The following PCDHA4 variants were observed in gnomAD, a reference collection of about 807,000 sequenced individuals.
PCDHA4 encodes protocadherin alpha 4.
Under a neutral mutation model 61.4 loss-of-function variants are expected in PCDHA4, and 49 were observed. The ratio of observed to expected loss-of-function variants is 0.80; its 90% CI spans 0.63 to 1.01. The LOEUF (loss-of-function observed/expected upper bound fraction) is 1.01. Among genes scored for constraint, PCDHA4 ranks in the 50% least tolerant of loss-of-function variants. The probability of loss-of-function intolerance (pLI) is 0.00; values close to 1 mark genes in which losing one functional copy is unlikely to be tolerated. For synonymous variants in PCDHA4, 590 were observed against 550.3 expected (o/e 1.07, Z -1.01); for missense variants, 1,254 against 1,235.8 (o/e 1.01, Z -0.22).
chr5:140,929,180 G>A, intron 1 of PCDHA4: 1 of 1,614,150 alleles, frequency 6.2e-7, no homozygotes, highest in Non-Finnish European at 8.5e-7. Context: ...CTGGGACTTG[G>A]TTCTGATAAT....
intron 1 of PCDHA4, among the ~76,000 whole-genome samples, chr5:140,975,074 G>C (rs2096653166): frequency 1.3e-5 from 2 of 152,152 alleles, no homozygotes; most frequent in South Asian, 4.1e-4. Flanking sequence ...CATTCAGATT[G>C]TTGGCAGAAT....
At chr5:140,831,731 C>A (rs1771681579) in intron 1 of PCDHA4, among the ~76,000 whole-genome samples, 1 of 152,004 alleles carries the variant, frequency 6.6e-6, no homozygotes, top group Admixed American at 6.6e-5. Flanking sequence ...TGTTATCCTC[C>A]CTTGCCTAAA....
At chr5:140,842,265 T>C in intron 1 of PCDHA4, 1 of 1,610,902 alleles carries the variant, frequency 6.2e-7, no homozygotes. Flanking sequence ...CAAGAAAACT[T>C]ATACAAAATC....
chr5:140,935,561 T>C (rs1184981109), intron 1 of PCDHA4, among the ~76,000 whole-genome samples: 3 of 152,218 alleles, frequency 2.0e-5, no homozygotes, highest in African/African-American at 7.2e-5. Context: ...TTGGAAAAGT[T>C]CCTCTCTGTG....
rs577022008 is a variant in PCDHA4, at chr5:140,921,827, C to T, written c.2386-57122C>T. Among the ~76,000 whole-genome samples, 6 of 151,924 alleles carry T rather than the reference C, an allele frequency of 3.9e-5. No homozygotes were observed. In the South Asian group the frequency reaches 1.2e-3, roughly 32 times the overall value. On this transcript the variant is annotated intron_variant, in intron 1 of 3. Coordinates refer to ENST00000530339, the MANE Select transcript of PCDHA4 (RefSeq NM_018907.4). Reference sequence around the variant, plus strand: ...TAAGATACATGTGTGAATATCTATACACATATAGACATATTTATAGATGTG... The same window carrying T: ...TAAGATACATGTGTGAATATCTATATACATATAGACATATTTATAGATGTG...
chr5:140,809,320 G>A lies in PCDHA4; in HGVS notation c.2133G>A (p.Leu711=), dbSNP rs1764426395. The part of the protein sequence containing the change: ...IIAICAVSSL[L]VLTLLLYTAL... ...CCATCTGCGCGGTGTCCAGCCTTTT[G>A]GTGCTCACGCTGCTGCTGTACACCG... The change falls in exon 1 of 4, where the codon TTG becomes TTA. Residue 711 remains leucine, a synonymous_variant. Transcript: ENST00000530339. 2 of 1,613,974 alleles carry A rather than the reference G, an allele frequency of 1.2e-6. No individual in the cohort carries two copies.
At chr5:140,906,063 A>T (rs572488248) in intron 1 of PCDHA4, among the ~76,000 whole-genome samples, 1 of 152,318 alleles carries the variant, frequency 6.6e-6, no homozygotes, top group South Asian at 2.1e-4. Flanking sequence ...CTGGCAGCTG[A>T]TTAGATCGCA....
intron 1 of PCDHA4, chr5:140,842,515 G>A (rs2150337754): frequency 5.6e-6 from 9 of 1,613,534 alleles, no homozygotes; most frequent in Non-Finnish European, 1.7e-6. Flanking sequence ...TCAAGCTGGT[G>A]TCCACCTTCA....
intron 1 of PCDHA4, chr5:140,882,030 T>G (rs1582587950): frequency 3.3e-6 from 2 of 612,804 alleles, no homozygotes; most frequent in East Asian, 5.9e-5. Flanking sequence ...CAATGGAAAA[T>G]ATGAAGACTG....
intron 1 of PCDHA4, chr5:140,851,464 T>A: frequency 1.1e-6 from 1 of 895,470 alleles, no homozygotes; most frequent in Non-Finnish European, 1.4e-6. Flanking sequence ...TCAAATTATG[T>A]CAATAAATGT....
intron 1 of PCDHA4, among the ~76,000 whole-genome samples, chr5:140,899,418 C>T (rs552409062): frequency 1.3e-5 from 2 of 152,254 alleles, no homozygotes; most frequent in African/African-American, 4.8e-5. Context: ...TGAATTTTGT[C>T]AAAGGTCTTT....
chr5:140,871,061 A>T, intron 1 of PCDHA4: 1 of 1,613,200 alleles, frequency 6.2e-7, no homozygotes, highest in South Asian at 1.1e-5. Flanking sequence ...GTGAAGGATC[A>T]CGGTGAGCCG....
At chr5:140,810,154 T>C (rs1764605759) in intron 1 of PCDHA4, 1 of 152,414 alleles carries the variant, frequency 6.6e-6, no homozygotes, top group South Asian at 2.1e-4. Flanking sequence ...TATGAAATTA[T>C]CCATGTTGTT....
At chr5:140,836,046 G>A (rs2150251403) in intron 1 of PCDHA4, 3 of 1,613,572 alleles carry the variant, frequency 1.9e-6, no homozygotes, top group Admixed American at 1.7e-5. Context: ...GCAGGTGTTC[G>A]TGCTGGACGA....
intron 1 of PCDHA4, chr5:140,836,813 T>A (rs984631065): frequency 8.2e-7 from 1 of 1,217,894 alleles, no homozygotes; most frequent in African/African-American, 1.5e-5. Flanking sequence ...TTTTCTTTCA[T>A]AATTTCTTTT....
In PCDHA4 at chr5:140,810,968, A is replaced by G. The variant is rs537328519; in HGVS notation, c.2385+1396A>G. ...CATTTGGAATATACATATTTTTATC[A>G]TTGTTGTGAGGTAGGGGTCAAGATT... On this transcript the variant is annotated intron_variant, in intron 1 of 3. Coordinates refer to ENST00000530339, the MANE Select transcript of PCDHA4 (RefSeq NM_018907.4). 3.9e-5 allele frequency: 6 copies of G among 152,058 alleles called. No individual in the cohort carries two copies. The South Asian group carries it at 1.3e-3, about 32-fold the overall frequency. The allele number at this position is 152,058 out of a possible 1,614,324, so 9.4% of individuals were successfully genotyped here.
At chr5:140,858,446 T>C in intron 1 of PCDHA4, 1 of 1,533,674 alleles carries the variant, frequency 6.5e-7, no homozygotes, top group Non-Finnish European at 8.9e-7. Context: ...GGTGGGTTAT[T>C]ACGTTTTCAT....
chr5:140,856,484 C>T lies in PCDHA4; in HGVS notation c.2385+46912C>T. 3 of 1,598,366 alleles carry T rather than the reference C, an allele frequency of 1.9e-6. 1 individual carries two copies. The highest frequency in any genetic ancestry group is 2.7e-5 in the African/African-American group (2 of 74,376). The stretch of plus-strand genomic sequence containing the variant: ...AAAGCTCTCAATACCTGAATCCAGA[C>T]TGCTTGACTCTCGATTTCCACTAGA... On this transcript the variant is annotated intron_variant, in intron 1 of 3. Coordinates refer to ENST00000530339, the MANE Select transcript of PCDHA4 (RefSeq NM_018907.4).
rs1457386283 is a variant in PCDHA4 at position 140,808,345 on chromosome 5, C to T, written c.1158C>T (p.Thr386=). 2.5e-6 allele frequency: 4 copies of T among 1,614,268 alleles called. No homozygotes were observed. The highest frequency in any genetic ancestry group is 3.4e-6 in the Non-Finnish European group (4 of 1,180,058). Residue 386 remains threonine, a synonymous_variant, in exon 1 of 4, where the codon ACC becomes ACT. Transcript: ENST00000530339. ...ACATGGGTGTCAATGGGCTGGTCAC[C>T]TGCTCCTTGACGTCCCACGTCCCCT... ...DKDMGVNGLV[T]CSLTSHVPFK... is the part of the protein sequence containing the mutation.
Sources: gnomAD v4.1 joint callset for allele counts (sites outside exome capture counted in the v4.1 genomes callset) on GRCh38, gnomAD v4.1.1 for gene constraint, MANE v1.5 for transcripts, NCBI Gene and HGNC (gene_info 2026-07-23, HGNC 2026-07-21) for gene names.